PHACTR4: variants seen among roughly 807,000 people sequenced by gnomAD.
PHACTR4 encodes the protein protein phosphatase 1, regulatory subunit 124.
In PHACTR4, 51 loss-of-function variants were observed where a neutral mutation model predicts 72.7. That is an observed-to-expected ratio of 0.70 (90% CI 0.56 to 0.89). The LOEUF (loss-of-function observed/expected upper bound fraction) is 0.89, where lower values mean the gene tolerates loss of function less well. Ranked by LOEUF, PHACTR4 falls within the 40% of genes least tolerant of loss-of-function variation. The probability of loss-of-function intolerance (pLI) is 0.00; values close to 1 mark genes in which losing one functional copy is unlikely to be tolerated. For synonymous variants in PHACTR4, 255 were observed against 302.5 expected (o/e 0.84, Z 1.63); for missense variants, 731 against 861.8 (o/e 0.85, Z 1.90).
At chr1:28,466,918 G>C in intron 6 of PHACTR4, 150 bp downstream of exon 6, 3 of 1,249,250 alleles carry the variant, frequency 2.4e-6, no homozygotes. Context: ...AAAAGTCTTA[G>C]GTTAAGAAAA....
At chr1:28,410,401 C>G (rs1654702515) in intron 2 of PHACTR4, among the ~76,000 whole-genome samples, 1 of 152,138 alleles carries the variant, frequency 6.6e-6, no homozygotes, top group African/African-American at 2.4e-5. Context: ...TACATGACAA[C>G]TCCGTAGGTT....
At chr1:28,413,090 C>T (rs1654889396) in intron 2 of PHACTR4, among the ~76,000 whole-genome samples, 1 of 152,182 alleles carries the variant, frequency 6.6e-6, no homozygotes, top group Admixed American at 6.5e-5. Flanking sequence ...AAATTGTCTT[C>T]CATGAACCTG....
chr1:28,486,782 C>T (rs1660669902), intron 9 of PHACTR4, among the ~76,000 whole-genome samples: 1 of 151,762 alleles, frequency 6.6e-6, no homozygotes, highest in African/African-American at 2.4e-5. Context: ...TCACTTGAAC[C>T]CAGGAGGCTG....
In PHACTR4 at chr1:28,459,116, C is replaced by T; in HGVS notation, c.48C>T (p.Gly16=). ...CAGACCAGCCCACTACAGAGCCAGG[C>T]ATGGTCCTGGACAGTGTGGAAGCAG... ...EEADQPTTEP[G]MVLDSVEAGD... The change falls in exon 3 of 14, where the codon GGC becomes GGT. Residue 16 remains glycine, a synonymous_variant. Coordinates refer to ENST00000373839, the MANE Select transcript of PHACTR4 (RefSeq NM_001048183.3). The T allele has an allele frequency of 6.2e-7, 1 of 1,612,820 alleles. No homozygotes were observed. The highest frequency in any genetic ancestry group is 8.5e-7 in the Non-Finnish European group (1 of 1,179,348).
At chr1:28,378,029 C>G (rs1651824777) in intron 1 of PHACTR4, among the ~76,000 whole-genome samples, 1 of 150,010 alleles carries the variant, frequency 6.7e-6, no homozygotes, top group Non-Finnish European at 1.5e-5. Flanking sequence ...AACCCCGTCT[C>G]TACTAAAAGT....
rs1659903827 is a variant in PHACTR4 at position 28,476,169 on chromosome 1, C to G, written c.1484C>G (p.Pro495Arg). The G allele has an allele frequency of 6.2e-7, 1 of 1,613,446 alleles. No homozygotes were observed. Among genetic ancestry groups the G allele is most frequent in the Admixed American group, 1.7e-5 (1 of 59,964 alleles). Residue 495 changes from proline to arginine, a missense_variant, in exon 8 of 14, where the codon CCT (proline) becomes CGT (arginine). By Grantham distance (103) the Pro-to-Arg change is moderately radical (BLOSUM62 -2). This residue lies in a region of PHACTR4 where 621 missense variants were observed against 676.6 expected (regional missense o/e 0.92). Transcript: ENST00000373839. The stretch of plus-strand genomic sequence containing the variant: ...TCCACATTCAGTGAAGAAATGACAC[C>G]TACCTCAGTCATTCCTAAATTACCA... ...CPSTFSEEMT[P>R]TSVIPKLPQC...
At chr1:28,453,232 G>C (rs1299334189) in intron 2 of PHACTR4, among the ~76,000 whole-genome samples, 1 of 152,134 alleles carries the variant, frequency 6.6e-6, no homozygotes, top group Non-Finnish European at 1.5e-5. Flanking sequence ...AGTATTGCCA[G>C]TATCCACTTA....
In PHACTR4 at chr1:28,459,291, G is replaced by A. The variant is rs766272218; in HGVS notation, c.190+33G>A. ...ATTAAGGGTTAAATGTGTGTTCTGA[G>A]TTAGAATTCTCTATGTTAGATGTAT... On this transcript the variant is annotated intron_variant, in intron 3 of 13. Coordinates refer to ENST00000373839, the MANE Select transcript of PHACTR4 (RefSeq NM_001048183.3). 1.8e-5 allele frequency: 28 copies of A among 1,570,404 alleles called. No homozygotes were observed. In the African/African-American group the frequency reaches 3.5e-4, roughly 20 times the overall value.
intron 2 of PHACTR4, among the ~76,000 whole-genome samples, chr1:28,409,124 CTTTTTTT>C (rs564622352): frequency 3.8e-5 from 5 of 133,092 alleles, no homozygotes; most frequent in South Asian, 2.4e-4. Flanking sequence ...TTCTTTCTTT[CTTTTTTT>C]TTTTTTTTTC....
intron 1 of PHACTR4, among the ~76,000 whole-genome samples, chr1:28,384,922 A>G (rs896456018): frequency 6.6e-6 from 1 of 152,128 alleles, no homozygotes; most frequent in African/African-American, 2.4e-5. Context: ...TAAATAAAAT[A>G]AAACAAAAAA....
chr1:28,488,652 A>G (rs1660854898), intron 9 of PHACTR4, among the ~76,000 whole-genome samples: 1 of 152,180 alleles, frequency 6.6e-6, no homozygotes, highest in African/African-American at 2.4e-5. Context: ...TGTAAAAAAA[A>G]AAAATCTAAA....
intron 7 of PHACTR4, among the ~76,000 whole-genome samples, chr1:28,475,743 T>TTTTTTTTTTTTTGA (rs1659877591): frequency 6.6e-6 from 1 of 151,196 alleles, no homozygotes; most frequent in African/African-American, 2.4e-5. Flanking sequence ...TTTTTTTTTT[T>TTTTTTTTTTTTTGA]GAGATAGAAT....
At chr1:28,396,712 G>A (rs1464783058) in intron 1 of PHACTR4, among the ~76,000 whole-genome samples, 1 of 149,248 alleles carries the variant, frequency 6.7e-6, no homozygotes, top group African/African-American at 2.5e-5. Context: ...AGGCTGGAGT[G>A]CAATGGCGCA....
intron 10 of PHACTR4, chr1:28,490,029 A>G: frequency 2.5e-6 from 1 of 405,972 alleles, no homozygotes; most frequent in South Asian, 1.9e-5. Flanking sequence ...CTTTTCCTTA[A>G]AGCATACATA....
intron 1 of PHACTR4, among the ~76,000 whole-genome samples, chr1:28,392,414 T>G (rs1653128288): frequency 6.6e-6 from 1 of 151,900 alleles, no homozygotes; most frequent in Admixed American, 6.6e-5. Context: ...TTCTTTTTTT[T>G]TTTTTTGAGA....
intron 2 of PHACTR4, among the ~76,000 whole-genome samples, chr1:28,424,198 A>G (rs78478898): frequency 1.1e-4 from 16 of 151,256 alleles, no homozygotes; most frequent in African/African-American, 3.7e-4. Flanking sequence ...TTATTTTTTT[A>G]TTTTTATTTT....
chr1:28,440,520 C>A (rs1379323417), intron 2 of PHACTR4, among the ~76,000 whole-genome samples: 1 of 148,968 alleles, frequency 6.7e-6, no homozygotes, highest in Non-Finnish European at 1.5e-5. Context: ...CTCAGCCTCC[C>A]GAGTAGCTGA....
intron 10 of PHACTR4, among the ~76,000 whole-genome samples, chr1:28,489,619 C>A (rs1660911390): frequency 6.6e-6 from 1 of 152,202 alleles, no homozygotes; most frequent in African/African-American, 2.4e-5. Flanking sequence ...AAGCAAGTCC[C>A]AAATGCAGCA....
intron 1 of PHACTR4, among the ~76,000 whole-genome samples, chr1:28,398,193 G>A (rs1166210796): frequency 6.6e-6 from 1 of 152,102 alleles, no homozygotes; most frequent in African/African-American, 2.4e-5. Flanking sequence ...ACACCACCAA[G>A]GCTGTGGCTG....
Sources: allele counts gnomAD v4.1 joint callset (sites outside exome capture counted in the v4.1 genomes callset), GRCh38; gene constraint gnomAD v4.1.1; regional missense constraint gnomAD v4.1.1; transcripts MANE v1.5; gene names NCBI Gene and HGNC (gene_info 2026-07-23, HGNC 2026-07-21).